Variants in FER observed in about 807,000 individuals in gnomAD.
FER encodes the protein tyrosine-protein kinase Fer.
Under a neutral mutation model 111.0 loss-of-function variants are expected in FER, and 63 were observed. The observed-to-expected ratio is 0.57, with a 90% CI of 0.46 to 0.70. The LOEUF is 0.70. Among genes scored for constraint, FER ranks in the 30% least tolerant of loss-of-function variants. The pLI is 0.00. For synonymous variants in FER, 327 were observed against 313.9 expected, an observed-to-expected ratio of 1.04 and a Z score of -0.44; for missense variants, 914 against 954.0, an observed-to-expected ratio of 0.96 and a Z score of 0.55.
At chr5:109,128,200 G>A (rs17161612) in intron 17 of FER, among the ~76,000 whole-genome samples, 1 of 151,424 alleles carries the variant, frequency 6.6e-6, no homozygotes, top group Non-Finnish European at 1.5e-5. Context: ...ACACAAGTCA[G>A]TAGCATCATA....
intron 13 of FER, among the ~76,000 whole-genome samples, chr5:109,008,924 C>G (rs758813457): frequency 5.3e-5 from 8 of 152,096 alleles, no homozygotes; most frequent in Admixed American, 6.5e-5. Flanking sequence ...GAGCCAAGAT[C>G]GTGCCGTTGC....
chr5:109,046,007 A>G (rs551927638), intron 15 of FER, among the ~76,000 whole-genome samples: 4 of 152,194 alleles, frequency 2.6e-5, no homozygotes, highest in Admixed American at 6.6e-5. Context: ...TGCAAACTCA[A>G]GAATTTTTGT....
At chr5:109,166,597 G>A (rs1368049034) in intron 17 of FER, among the ~76,000 whole-genome samples, 2 of 152,158 alleles carry the variant, frequency 1.3e-5, no homozygotes, top group Non-Finnish European at 2.9e-5. Flanking sequence ...TCAAAGTATA[G>A]TGTCTTAACA....
chr5:108,793,528 T>C (rs200281492), intron 2 of FER, among the ~76,000 whole-genome samples: 6 of 92,746 alleles, frequency 6.5e-5, no homozygotes, highest in Non-Finnish European at 1.3e-4. Flanking sequence ...GCGGGGGGGG[T>C]GGTTATATAC....
chr5:108,998,335 A>G (rs577604663), intron 13 of FER, among the ~76,000 whole-genome samples: 82 of 152,262 alleles, frequency 5.4e-4, no homozygotes, highest in African/African-American at 2.0e-3. Context: ...AAAGCACAGT[A>G]TCTGGGCCAG....
intron 17 of FER, among the ~76,000 whole-genome samples, chr5:109,150,124 G>C (rs187919925): frequency 1.6e-4 from 25 of 152,214 alleles, no homozygotes; most frequent in Non-Finnish European, 2.4e-4. Context: ...CACGAAACCT[G>C]TCCCTGGTGC....
rs981914800 is a variant in FER at position 109,189,684 on chromosome 5, G to T, written c.*2109G>T. ...TTTTAGTATTTCTAAGTGAATCTCTGTAATATTCTTTGTCTGTTTAAAGAA... is the reference window on the plus strand; with the variant it reads ...TTTTAGTATTTCTAAGTGAATCTCTTTAATATTCTTTGTCTGTTTAAAGAA... On this transcript the variant is annotated 3_prime_UTR_variant, in exon 20 of 20. Transcript: ENST00000281092. 6.6e-6 allele frequency: 1 copy of T among 152,076 alleles called. No homozygotes were observed. Among genetic ancestry groups the T allele is most frequent in the African/African-American group, 2.4e-5 (1 of 41,392 alleles). 9.4% of individuals were successfully genotyped at this position (152,076 alleles called of 1,614,324 possible).
chr5:109,157,683 T>A (rs1432664631), intron 17 of FER, among the ~76,000 whole-genome samples: 1 of 152,178 alleles, frequency 6.6e-6, no homozygotes, highest in Non-Finnish European at 1.5e-5. Context: ...TTTCATTATT[T>A]CTAAAATTGT....
chr5:108,761,538 C>G (rs1157822939), intron 1 of FER, among the ~76,000 whole-genome samples: 1 of 152,042 alleles, frequency 6.6e-6, no homozygotes, highest in Non-Finnish European at 1.5e-5. Flanking sequence ...TCACTGATCA[C>G]AGATGACCAT....
chr5:108,914,550 A>T (rs1752006982), intron 10 of FER, among the ~76,000 whole-genome samples: 1 of 152,226 alleles, frequency 6.6e-6, no homozygotes, highest in East Asian at 1.9e-4. Flanking sequence ...AAAGATCCTT[A>T]TTAAATTCTG....
At chr5:108,848,334 A>T (rs1762224747) in intron 5 of FER, among the ~76,000 whole-genome samples, 1 of 152,138 alleles carries the variant, frequency 6.6e-6, no homozygotes, top group South Asian at 2.1e-4. Flanking sequence ...AACTGTTTAT[A>T]ATGTTAGGTT....
chr5:109,050,961 A>G (rs1437005896), intron 16 of FER, among the ~76,000 whole-genome samples: 3 of 152,316 alleles, frequency 2.0e-5, no homozygotes, highest in East Asian at 1.9e-4. Flanking sequence ...TTTAGCCACA[A>G]TTACCACCCA....
chr5:108,802,109 A>G (rs1346464837), intron 3 of FER, among the ~76,000 whole-genome samples: 2 of 152,138 alleles, frequency 1.3e-5, no homozygotes, highest in African/African-American at 4.8e-5. Context: ...AACTGCAGGA[A>G]GCAAAACAAC....
chr5:109,137,842 G>A (rs1433738742), intron 17 of FER, among the ~76,000 whole-genome samples: 3 of 152,156 alleles, frequency 2.0e-5, no homozygotes, highest in African/African-American at 4.8e-5. Flanking sequence ...AGAGCTTGAG[G>A]TTTCTGCCAT....
At chr5:108,823,933 C>CT (rs1230478960) in intron 3 of FER, among the ~76,000 whole-genome samples, 12 of 151,930 alleles carry the variant, frequency 7.9e-5, no homozygotes, top group Non-Finnish European at 1.3e-4. Context: ...GTCTTTAGTT[C>CT]TTTTTGAGTT....
At chr5:108,983,724 G>A (rs1762250373) in intron 13 of FER, among the ~76,000 whole-genome samples, 1 of 152,058 alleles carries the variant, frequency 6.6e-6, no homozygotes, top group Admixed American at 6.6e-5. Context: ...CAGAATCAAG[G>A]TCATAGAGGA....
chr5:109,102,870 G>C (rs1300450834), intron 17 of FER, among the ~76,000 whole-genome samples: 2 of 151,888 alleles, frequency 1.3e-5, no homozygotes, highest in Non-Finnish European at 2.9e-5. Flanking sequence ...TTTTTTTATA[G>C]TAGTGAATTG....
intron 9 of FER, among the ~76,000 whole-genome samples, chr5:108,896,497 A>G (rs183215976): frequency 7.9e-5 from 12 of 152,230 alleles, no homozygotes; most frequent in African/African-American, 2.4e-4. Flanking sequence ...TCTTCTGGAT[A>G]TTACTAGGTC....
intron 17 of FER, among the ~76,000 whole-genome samples, chr5:109,130,317 CT>C (rs1448933642): frequency 6.6e-6 from 1 of 151,920 alleles, no homozygotes; most frequent in Non-Finnish European, 1.5e-5. Flanking sequence ...CAGTTTTCCC[CT>C]GAGAAGGCTT....
Sources: gnomAD v4.1 joint callset for allele counts (sites outside exome capture counted in the v4.1 genomes callset) on GRCh38, gnomAD v4.1.1 for gene constraint, MANE v1.5 for transcripts, NCBI Gene and HGNC (gene_info 2026-07-23, HGNC 2026-07-21) for gene names.